FNDC3A: variants seen among roughly 807,000 people sequenced by gnomAD.
FNDC3A encodes the protein fibronectin type-III domain-containing protein 3A.
FNDC3A carries 32 observed loss-of-function variants against 148.9 expected under a neutral mutation model. That is an observed-to-expected ratio of 0.21 (90% CI 0.16 to 0.29). The LOEUF (loss-of-function observed/expected upper bound fraction) is 0.29, where lower values mean the gene tolerates loss of function less well. Among genes scored for constraint, FNDC3A ranks in the 10% least tolerant of loss-of-function variants. The pLI is 1.00. For synonymous variants in FNDC3A, 472 were observed against 473.6 expected, an observed-to-expected ratio of 1.00 and a Z score of 0.04; for missense variants, 1,191 against 1,452.8, an observed-to-expected ratio of 0.82 and a Z score of 2.93.
chr13:48,986,398 T>TTTTG (rs1951799933), intron 1 of FNDC3A, among the ~76,000 whole-genome samples: 3 of 118,606 alleles, frequency 2.5e-5, no homozygotes, highest in African/African-American at 9.6e-5. Flanking sequence ...TTTTTTTTTT[T>TTTTG]TTTTTTTTTT....
In FNDC3A at chr13:49,185,959, C is replaced by T; in HGVS notation, c.1618-5C>T. 6.2e-7 allele frequency: 1 copy of T among 1,606,510 alleles called. No individual in the cohort carries two copies. The highest frequency in any genetic ancestry group is 8.5e-7 in the Non-Finnish European group (1 of 1,174,332). On this transcript the variant is annotated splice_polypyrimidine_tract_variant and splice_region_variant and intron_variant, in intron 14 of 25. Transcript: ENST00000492622. ...TTATTTAATGTCTTTCTGTTCTCAT[C>T]ACAGGTTATTGCTTACAACTCAGAA...
chr13:49,146,791 C>G (rs971299019), intron 8 of FNDC3A: 6 of 152,208 alleles, frequency 3.9e-5, no homozygotes, highest in Non-Finnish European at 8.8e-5. Flanking sequence ...GATTCAGTAG[C>G]TAAAGTTGTG....
chr13:49,127,385 A>G lies in FNDC3A; in HGVS notation c.253-3752A>G, dbSNP rs993070894. On this transcript the variant is annotated intron_variant, in intron 4 of 25. Coordinates refer to ENST00000492622, the MANE Select transcript of FNDC3A (RefSeq NM_001079673.2). ...ATTTTAAAATTGTGCAGTTAGCTCT[A>G]ATTCTTCTCCTTACTTTCTCACTTA... 2.6e-5 allele frequency among the ~76,000 whole-genome samples: 4 copies of G among 152,102 alleles called. No individual in the cohort carries two copies. The East Asian group carries it at 7.7e-4, about 29-fold the overall frequency.
At chr13:49,099,225 T>C (rs191368494) in intron 3 of FNDC3A, among the ~76,000 whole-genome samples, 2 of 152,310 alleles carry the variant, frequency 1.3e-5, no homozygotes, top group Admixed American at 1.3e-4. Flanking sequence ...ATTTTGAATT[T>C]CCAGCTTCCA....
chr13:49,115,618 T>C (rs946162493), intron 4 of FNDC3A, among the ~76,000 whole-genome samples: 1 of 152,120 alleles, frequency 6.6e-6, no homozygotes, highest in Non-Finnish European at 1.5e-5. Context: ...TGAATCCATA[T>C]CTTATTTCAA....
chr13:49,107,234 G>C (rs1385324914), intron 3 of FNDC3A, among the ~76,000 whole-genome samples: 1 of 152,190 alleles, frequency 6.6e-6, no homozygotes, highest in Non-Finnish European at 1.5e-5. Context: ...TCATGTTATA[G>C]AGTTAATGTT....
rs1267873872 is a variant in FNDC3A at position 49,192,258 on chromosome 13, G to A, written c.2226+874G>A. Among the ~76,000 whole-genome samples the A allele has an allele frequency of 2.0e-5, 3 of 152,008 alleles. No homozygotes were observed. The East Asian group carries it at 5.8e-4, about 29-fold the overall frequency. ...ATTTCAAATCCTGTTTTCCAACAGG[G>A]TTCTGTATTTACATCTGTAAACTTA... is the stretch of plus-strand genomic sequence containing the variant. On this transcript the variant is annotated intron_variant, in intron 19 of 25. Transcript: ENST00000492622.
intron 1 of FNDC3A, among the ~76,000 whole-genome samples, chr13:48,994,137 A>C (rs1018227120): frequency 1.3e-5 from 2 of 152,218 alleles, no homozygotes; most frequent in Non-Finnish European, 2.9e-5. Context: ...AGTTAAAGTC[A>C]CTTTTAAGGA....
chr13:49,082,551 C>G (rs1470041922), intron 3 of FNDC3A, among the ~76,000 whole-genome samples: 1 of 152,074 alleles, frequency 6.6e-6, no homozygotes, highest in East Asian at 1.9e-4. Context: ...GATATTGAGA[C>G]TCCTCCTGTC....
At position 49,188,596 on chromosome 13, in the gene FNDC3A, T is replaced by C. The variant is rs1335407907; in HGVS notation, c.1907T>C (p.Leu636Ser). The C allele has an allele frequency of 5.0e-6, 8 of 1,613,486 alleles. No homozygotes were observed. In the Admixed American group the frequency reaches 8.3e-5, roughly 17 times the overall value. ...DRLNPGCFYR[L>S]RVYCISDGGQ... ...CTGAATCCAGGCTGTTTCTATCGTT[T>C]ACGAGTTTACTGCATCAGTGATGGA... is the stretch of plus-strand genomic sequence containing the variant. Residue 636 changes from leucine to serine, a missense_variant, in exon 17 of 26, where the codon TTA (leucine) becomes TCA (serine). Physicochemically the swap from Leu to Ser is moderately radical, Grantham distance 145 (BLOSUM62 -2). Transcript: ENST00000492622.
chr13:49,016,593 C>CT (rs1440976205), intron 2 of FNDC3A, among the ~76,000 whole-genome samples: 17 of 152,198 alleles, frequency 1.1e-4, no homozygotes, highest in Admixed American at 8.5e-4. Flanking sequence ...TTGTGTGTCT[C>CT]TATTTCCTTC....
intron 1 of FNDC3A, among the ~76,000 whole-genome samples, chr13:48,987,147 A>G (rs1045428187): frequency 2.6e-5 from 4 of 152,276 alleles, no homozygotes; most frequent in African/African-American, 9.6e-5. Flanking sequence ...TAAAAAGGAC[A>G]GTAAAATATT....
chr13:49,159,906 A>G lies in FNDC3A; in HGVS notation c.978-7338A>G, dbSNP rs370796721. On this transcript the variant is annotated intron_variant, in intron 8 of 25. Transcript: ENST00000492622. ...GGTTTTTGTCTTTGGTTCTATTTAT[A>G]TGATGGATTACGTTTATTGATTTGC... Among the ~76,000 whole-genome samples the G allele has an allele frequency of 4.1e-3, 618 of 152,312 alleles. 3 individuals are homozygous for G. The highest frequency in any genetic ancestry group is 0.011 in the South Asian group (53 of 4,830).
At chr13:49,066,944 G>A (rs944873864) in intron 2 of FNDC3A, among the ~76,000 whole-genome samples, 2 of 152,040 alleles carry the variant, frequency 1.3e-5, no homozygotes, top group African/African-American at 4.8e-5. Flanking sequence ...ATGCTTGCAT[G>A]TTTATTCAAA....
chr13:49,058,414 T>A (rs1876415789), intron 2 of FNDC3A, among the ~76,000 whole-genome samples: 1 of 152,146 alleles, frequency 6.6e-6, no homozygotes, highest in Non-Finnish European at 1.5e-5. Context: ...GCGGATTTCA[T>A]TTCTGCCTTT....
chr13:49,192,868 G>A (rs1885956932), intron 19 of FNDC3A, among the ~76,000 whole-genome samples: 1 of 152,100 alleles, frequency 6.6e-6, no homozygotes, highest in Non-Finnish European at 1.5e-5. Context: ...CTACCAGAGA[G>A]CAGTACTGAT....
At chr13:49,037,118 G>A (rs927950469) in intron 2 of FNDC3A, among the ~76,000 whole-genome samples, 1 of 152,154 alleles carries the variant, frequency 6.6e-6, no homozygotes, top group Non-Finnish European at 1.5e-5. Context: ...GCGTCCACTT[G>A]GCTAGGCTAG....
At chr13:49,206,687 T>C (rs1286825374) in intron 25 of FNDC3A, among the ~76,000 whole-genome samples, 2 of 152,216 alleles carry the variant, frequency 1.3e-5, no homozygotes, top group African/African-American at 4.8e-5. Flanking sequence ...TTATCAGTTA[T>C]ACAAAGACAT....
intron 8 of FNDC3A, among the ~76,000 whole-genome samples, chr13:49,154,434 T>C (rs1883528832): frequency 1.3e-5 from 2 of 148,340 alleles, no homozygotes; most frequent in African/African-American, 2.5e-5. Flanking sequence ...GACACTGGGG[T>C]TTTCTAAATA....
Sources: gnomAD v4.1 joint callset for allele counts (sites outside exome capture counted in the v4.1 genomes callset) on GRCh38, gnomAD v4.1.1 for gene constraint, MANE v1.5 for transcripts, NCBI Gene and HGNC (gene_info 2026-07-23, HGNC 2026-07-21) for gene names.